The following SMU1 variants were observed in gnomAD, a reference collection of about 807,000 sequenced individuals.
The protein encoded by SMU1 is WD40 repeat-containing protein SMU1.
Under a neutral mutation model 62.0 loss-of-function variants are expected in SMU1, and 2 were observed. That is an observed-to-expected ratio of 0.03 (90% CI 0.01 to 0.10). SMU1 has a LOEUF of 0.10. Among genes scored for constraint, SMU1 ranks in the 10% least tolerant of loss-of-function variants. The pLI is 1.00. For synonymous variants in SMU1, 188 were observed against 212.4 expected (o/e 0.89, Z 1.00); for missense variants, 227 against 622.1 (o/e 0.36, Z 6.76).
chr9:33,065,036 C>T (rs1240944337), intron 4 of SMU1, among the ~76,000 whole-genome samples: 1 of 152,198 alleles, frequency 6.6e-6, no homozygotes, highest in Non-Finnish European at 1.5e-5. Context: ...AACCACCACA[C>T]CCGGCCACAT....
intron 3 of SMU1, 41 bp from the exon 4 acceptor site, chr9:33,068,975 C>A: frequency 6.2e-7 from 1 of 1,607,394 alleles, no homozygotes; most frequent in East Asian, 2.2e-5. Flanking sequence ...CAAGAAGCAA[C>A]AACAAGATAT....
chr9:33,066,968 G>C (rs1839428049), intron 4 of SMU1, among the ~76,000 whole-genome samples: 1 of 151,990 alleles, frequency 6.6e-6, no homozygotes. Flanking sequence ...CCTCAGGAAA[G>C]ATATCAGCAA....
At chr9:33,067,892 GTTA>G (rs1839440423) in intron 4 of SMU1, among the ~76,000 whole-genome samples, 2 of 152,066 alleles carry the variant, frequency 1.3e-5, no homozygotes, top group Non-Finnish European at 2.9e-5. Context: ...GTGCAAAAAG[GTTA>G]TTAACATCCC....
rs1015185958 is a variant in SMU1 at position 33,053,050 on chromosome 9, G to T, written c.1290+73C>A. The T allele has an allele frequency of 4.9e-6, 7 of 1,414,726 alleles. No individual in the cohort carries two copies. In the East Asian group the frequency reaches 1.6e-4, roughly 33 times the overall value. The allele number at this position is 1,414,726 out of a possible 1,614,324, so 87.6% of individuals were successfully genotyped here. A position where few individuals can be genotyped will look rare whatever the true frequency, so the allele number is the denominator to read the frequency against. Reference sequence around the variant, plus strand: ...ACCCAAATTTGGTTATTGGGAGGGTGGGCCTGGACCAGGAAGTGCTGATTT... The same window carrying T: ...ACCCAAATTTGGTTATTGGGAGGGTTGGCCTGGACCAGGAAGTGCTGATTT... On this transcript the variant is annotated intron_variant, in intron 10 of 11. Coordinates refer to ENST00000397149, the MANE Select transcript of SMU1 (RefSeq NM_018225.3).
chr9:33,053,271 G>A lies in SMU1; in HGVS notation c.1142C>T (p.Thr381Ile). 1 of 1,612,748 alleles carries A rather than the reference G, an allele frequency of 6.2e-7. No individual in the cohort carries two copies. Among genetic ancestry groups the A allele is most frequent in the Non-Finnish European group, 8.5e-7 (1 of 1,179,964 alleles). ...GGATTTAAAGGTATTTGAACATTCT[G>A]TGGTCTTCATATTCCAGATCTACCA... Reference protein sequence around the residue: ...GTVKIWNMKTTECSNTFKSLG... With the variant: ...GTVKIWNMKTIECSNTFKSLG... The change falls in exon 10 of 12, where the codon ACA becomes ATA. Residue 381 changes from threonine (T) to isoleucine (I), a missense_variant. Coordinates refer to ENST00000397149, the MANE Select transcript of SMU1 (RefSeq NM_018225.3).
intron 10 of SMU1, among the ~76,000 whole-genome samples, chr9:33,050,634 T>A (rs1437273779): frequency 6.6e-6 from 1 of 150,430 alleles, no homozygotes; most frequent in African/African-American, 2.5e-5. Flanking sequence ...AAGACCAGCC[T>A]GGCCAAGATG....
At chr9:33,075,576 T>C (rs1345277952) in intron 1 of SMU1, among the ~76,000 whole-genome samples, 1 of 152,170 alleles carries the variant, frequency 6.6e-6, no homozygotes, top group Non-Finnish European at 1.5e-5. Context: ...ACATTTGACA[T>C]AGCCAAAATC....
chr9:33,072,042 C>T, intron 2 of SMU1, 150 bp from the exon 3 acceptor site: 1 of 793,862 alleles, frequency 1.3e-6, no homozygotes, highest in Non-Finnish European at 1.8e-6. Flanking sequence ...CTAGCAATTT[C>T]AGGTGGACTT....
rs1839151319 is a variant in SMU1, at chr9:33,043,767, A to C, written c.*3526T>G. 1 of 152,244 alleles carries C rather than the reference A, an allele frequency of 6.6e-6. No individual in the cohort carries two copies. The highest frequency in any genetic ancestry group is 1.5e-5 in the Non-Finnish European group (1 of 68,038). 9.4% of individuals were successfully genotyped at this position (152,244 alleles called of 1,614,324 possible). A position where few individuals can be genotyped will look rare whatever the true frequency, so the allele number is the denominator to read the frequency against. On this transcript the variant is annotated 3_prime_UTR_variant, in exon 12 of 12. Transcript: ENST00000397149. Reference sequence around the variant, plus strand: ...GGAGTCACATCTGGTTTTCAATGCGAGCTTCGTGCAAGTTGGACTGAGTTA... The same window carrying C: ...GGAGTCACATCTGGTTTTCAATGCGCGCTTCGTGCAAGTTGGACTGAGTTA...
At chr9:33,073,572 G>T in intron 2 of SMU1, 24 bp downstream of exon 2, 2 of 1,585,962 alleles carry the variant, frequency 1.3e-6, no homozygotes, top group South Asian at 2.2e-5. Context: ...AACCCATGGG[G>T]ATCAGCATCA....
chr9:33,047,045 C>A lies in SMU1; in HGVS notation c.*248G>T. On this transcript the variant is annotated 3_prime_UTR_variant, in exon 12 of 12. Coordinates refer to ENST00000397149, the MANE Select transcript of SMU1 (RefSeq NM_018225.3). ...CTAGAAATATCAGTATTTCACTCTC[C>A]AGGTCGAAGATTAATGAAAACATTA... 2.9e-6 allele frequency: 1 copy of A among 343,284 alleles called. No individual in the cohort carries two copies. The highest frequency in any genetic ancestry group is 8.5e-4 in the Middle Eastern group (1 of 1,174). The allele number at this position is 343,284 out of a possible 1,614,324, so 21.3% of individuals were successfully genotyped here.
chr9:33,055,984 A>G, intron 9 of SMU1, 129 bp downstream of exon 9: 1 of 899,460 alleles, frequency 1.1e-6, no homozygotes, highest in East Asian at 2.9e-5. Flanking sequence ...GACTCACCTC[A>G]ATTACAGCTA....
rs1050023957 is a variant in SMU1 at position 33,071,830 on chromosome 9, A to G, written c.300T>C (p.Thr100=). 6.2e-7 allele frequency: 1 copy of G among 1,606,776 alleles called. No individual in the cohort carries two copies. The highest frequency in any genetic ancestry group is 1.7e-5 in the Admixed American group (1 of 57,994). ...TTTGTTTTAACATGATCATGGGATC[A>G]GTCTGTCTCAAAAGTGACCTGGCAG... ...LGAARSLLRQ[T]DPMIMLKQTQ... The change falls in exon 3 of 12, where the codon ACT becomes ACC. Residue 100 remains threonine, a synonymous_variant. Transcript: ENST00000397149.
Position 33,069,034 on chromosome 9 carries a change from T to C in SMU1, c.391-100A>G, listed in dbSNP as rs892117843. ...AAGCAGAAGCATACACAGAGGAAAA[T>C]GTGAAAAGAAATTACCCAGTTAAAG... On this transcript the variant is annotated intron_variant, in intron 3 of 11. Coordinates refer to ENST00000397149, the MANE Select transcript of SMU1 (RefSeq NM_018225.3). The C allele has an allele frequency of 8.4e-6, 12 of 1,420,272 alleles. No individual in the cohort carries two copies. In the East Asian group the frequency reaches 2.4e-4, roughly 28 times the overall value. 88.0% of individuals were successfully genotyped at this position (1,420,272 alleles called of 1,614,324 possible).
intron 1 of SMU1, among the ~76,000 whole-genome samples, chr9:33,074,166 A>G (rs1274515969): frequency 6.6e-6 from 1 of 152,170 alleles, no homozygotes; most frequent in Non-Finnish European, 1.5e-5. Context: ...TATTTATACA[A>G]AATAATCTAA....
Position 33,071,685 on chromosome 9 carries a change from T to C in SMU1, c.390+55A>G, listed in dbSNP as rs1389552966. ...TGGTAAAAAAAAAAAAAAAAGATCA[T>C]GTTATTTCATTTCCAAAGTTAACAA... On this transcript the variant is annotated intron_variant, in intron 3 of 11. Coordinates refer to ENST00000397149, the MANE Select transcript of SMU1 (RefSeq NM_018225.3). The C allele has an allele frequency of 8.1e-6, 12 of 1,480,480 alleles. No individual in the cohort carries two copies. The Admixed American group carries it at 1.3e-4, about 16-fold the overall frequency. 91.7% of individuals were successfully genotyped at this position (1,480,480 alleles called of 1,614,324 possible).
At chr9:33,060,379 A>G (rs765216635) in intron 6 of SMU1, 86 bp downstream of exon 6, 45 of 1,193,822 alleles carry the variant, frequency 3.8e-5, no homozygotes, top group Admixed American at 2.0e-4. Flanking sequence ...TCCTTTTTCA[A>G]CTAATCTGAT....
rs1839169440 is a variant in SMU1, at chr9:33,045,018, C to T, written c.*2275G>A. 1 of 152,206 alleles carries T rather than the reference C, an allele frequency of 6.6e-6. No homozygotes were observed. Among genetic ancestry groups the T allele is most frequent in the African/African-American group, 2.4e-5 (1 of 41,444 alleles). The allele number at this position is 152,206 out of a possible 1,614,324, so 9.4% of individuals were successfully genotyped here. A position where few individuals can be genotyped will look rare whatever the true frequency, so the allele number is the denominator to read the frequency against. On this transcript the variant is annotated 3_prime_UTR_variant, in exon 12 of 12. Coordinates refer to ENST00000397149, the MANE Select transcript of SMU1 (RefSeq NM_018225.3). ...ACTCCTTTTAATTTGCTCTTCTTCC[C>T]TATGTTTAGGCAGAAACGAGTCTTT...
In SMU1 at chr9:33,041,920, C is replaced by T. The variant is rs1187589580; in HGVS notation, c.*5373G>A. ...TTAGACAAATGCATTGAGGCAGAAA[C>T]AGTACCAAAGGCTGAGGGGAAGGGA... On this transcript the variant is annotated 3_prime_UTR_variant, in exon 12 of 12. Coordinates refer to ENST00000397149, the MANE Select transcript of SMU1 (RefSeq NM_018225.3). 1 of 152,092 alleles carries T rather than the reference C, an allele frequency of 6.6e-6. No individual in the cohort carries two copies. 9.4% of individuals were successfully genotyped at this position (152,092 alleles called of 1,614,324 possible). A position where few individuals can be genotyped will look rare whatever the true frequency, so the allele number is the denominator to read the frequency against.
Sources: allele counts gnomAD v4.1 joint callset (sites outside exome capture counted in the v4.1 genomes callset), GRCh38; gene constraint gnomAD v4.1.1; transcripts MANE v1.5; gene names NCBI Gene and HGNC (gene_info 2026-07-23, HGNC 2026-07-21).